Variants in DLG2 observed in about 807,000 individuals in gnomAD.
DLG2 encodes the protein discs large MAGUK scaffold protein 2.
DLG2 carries 45 observed loss-of-function variants against 132.5 expected under a neutral mutation model. The ratio of observed to expected loss-of-function variants is 0.34; its 90% CI spans 0.27 to 0.44. The LOEUF (loss-of-function observed/expected upper bound fraction) is 0.44, where lower values mean the gene tolerates loss of function less well. Among genes scored for constraint, DLG2 ranks in the 20% least tolerant of loss-of-function variants. DLG2 has a pLI of 1.00. For missense variants in DLG2, 1,045 were observed against 1,196.9 expected (o/e 0.87, Z 1.87); for synonymous variants, 424 against 419.6 (o/e 1.01, Z -0.13).
chr11:85,401,868 A>C (rs2088156509), intron 3 of DLG2, among the ~76,000 whole-genome samples: 1 of 152,220 alleles, frequency 6.6e-6, no homozygotes, highest in African/African-American at 2.4e-5. Context: ...AGAACATTCC[A>C]TGCTCATGGA....
At chr11:83,835,014 C>T (rs533182764) in intron 16 of DLG2, among the ~76,000 whole-genome samples, 50 of 152,224 alleles carry the variant, frequency 3.3e-4, no homozygotes, top group African/African-American at 1.0e-3. Context: ...TATCACATTT[C>T]CATGCATAAA....
rs1316945360 is a variant in DLG2 at position 84,554,687 on chromosome 11, G to T, written c.358-19956C>A. 2.0e-5 allele frequency among the ~76,000 whole-genome samples: 3 copies of T among 151,980 alleles called. No individual in the cohort carries two copies. In the East Asian group the frequency reaches 5.8e-4, roughly 29 times the overall value. On this transcript the variant is annotated intron_variant, in intron 6 of 27. Coordinates refer to ENST00000376104, the MANE Select transcript of DLG2 (RefSeq NM_001142699.3). ...CTTGAACACAGGATGGGGAGGTTGC[G>T]GTGAGCTGAGACTGAGTCACTGCAC...
chr11:84,370,936 T>C (rs576155725), intron 7 of DLG2, among the ~76,000 whole-genome samples: 85 of 152,218 alleles, frequency 5.6e-4, no homozygotes, highest in Admixed American at 4.5e-3. Flanking sequence ...GGGTCTATTT[T>C]ATCAAAGGTT....
At chr11:84,374,333 C>T (rs539135152) in intron 7 of DLG2, among the ~76,000 whole-genome samples, 5 of 152,174 alleles carry the variant, frequency 3.3e-5, no homozygotes, top group Non-Finnish European at 7.3e-5. Flanking sequence ...CCATAATGTT[C>T]AACTGTCTCT....
chr11:85,162,444 G>A (rs1427106369), intron 4 of DLG2, among the ~76,000 whole-genome samples: 2 of 152,158 alleles, frequency 1.3e-5, no homozygotes, highest in African/African-American at 4.8e-5. Flanking sequence ...AAGGCAAAGG[G>A]AATACAGAAT....
rs185847606 is a variant in DLG2 at position 84,675,695 on chromosome 11, G to A, written c.358-140964C>T. ...ATTCACTAGATAACTGACATTAGACGGGACGGTATTTTAGCCTTCCTTTTT... is the reference window on the plus strand; with the variant it reads ...ATTCACTAGATAACTGACATTAGACAGGACGGTATTTTAGCCTTCCTTTTT... On this transcript the variant is annotated intron_variant, in intron 6 of 27. Coordinates refer to ENST00000376104, the MANE Select transcript of DLG2 (RefSeq NM_001142699.3). Among the ~76,000 whole-genome samples, 298 of 152,078 alleles carry A rather than the reference G, an allele frequency of 2.0e-3. 1 individual carries two copies. Among genetic ancestry groups the A allele is most frequent in the Non-Finnish European group, 2.2e-3 (148 of 67,962 alleles).
chr11:84,911,325 T>C (rs1184810984), intron 6 of DLG2, among the ~76,000 whole-genome samples: 1 of 151,910 alleles, frequency 6.6e-6, no homozygotes, highest in African/African-American at 2.4e-5. Context: ...ACTGTTTTAC[T>C]TATAAACCTA....
At chr11:83,505,078 G>T (rs1490559522) in intron 21 of DLG2, among the ~76,000 whole-genome samples, 1 of 152,170 alleles carries the variant, frequency 6.6e-6, no homozygotes, top group Non-Finnish European at 1.5e-5. Flanking sequence ...GGCACTTCAT[G>T]AGTCCACAGA....
At chr11:83,514,615 A>C (rs1220973616) in intron 21 of DLG2, among the ~76,000 whole-genome samples, 1 of 152,196 alleles carries the variant, frequency 6.6e-6, no homozygotes, top group Non-Finnish European at 1.5e-5. Context: ...GCCAGTTTTC[A>C]AAGGGAATGC....
intron 18 of DLG2, among the ~76,000 whole-genome samples, chr11:83,650,134 G>A (rs1269817837): frequency 6.6e-6 from 1 of 152,172 alleles, no homozygotes; most frequent in Non-Finnish European, 1.5e-5. Context: ...TGTAATGCCC[G>A]TGTGCAGTAG....
chr11:84,176,079 A>G (rs1017834629), intron 8 of DLG2, among the ~76,000 whole-genome samples: 24 of 151,904 alleles, frequency 1.6e-4, no homozygotes, highest in African/African-American at 5.3e-4. Flanking sequence ...AATCGTATAT[A>G]TAGTGATGTT....
chr11:84,349,476 T>TA (rs11458779), intron 7 of DLG2, among the ~76,000 whole-genome samples: 57,830 of 151,700 alleles, frequency 0.38, 15,606 homozygotes, highest in African/African-American at 0.77. Flanking sequence ...ATTTTATTAG[T>TA]AAAATATCAC....
intron 6 of DLG2, chr11:84,955,787 T>C (rs376463615): frequency 6.6e-6 from 1 of 152,192 alleles, no homozygotes; most frequent in East Asian, 1.9e-4. Flanking sequence ...TACTAGCTCA[T>C]AGAGATAACA....
chr11:84,589,216 ATGTC>A (rs2099537102), intron 6 of DLG2, among the ~76,000 whole-genome samples: 4 of 152,306 alleles, frequency 2.6e-5, no homozygotes, highest in Admixed American at 1.3e-4. Flanking sequence ...ATGAAAATAA[ATGTC>A]TGTGAGTCTG....
chr11:84,576,234 T>C (rs540167301), intron 6 of DLG2, among the ~76,000 whole-genome samples: 1 of 152,218 alleles, frequency 6.6e-6, no homozygotes, highest in African/African-American at 2.4e-5. Context: ...CATGCAGAAA[T>C]AATCTATTTT....
At chr11:85,108,457 G>A (rs1325982429) in intron 6 of DLG2, among the ~76,000 whole-genome samples, 1 of 151,968 alleles carries the variant, frequency 6.6e-6, no homozygotes, top group East Asian at 1.9e-4. Flanking sequence ...TATTTCCTGA[G>A]AGATTATAAA....
In DLG2 at chr11:84,165,134, C is replaced by T. The variant is rs570070067; in HGVS notation, c.574-1623G>A. 9.2e-5 allele frequency among the ~76,000 whole-genome samples: 14 copies of T among 152,274 alleles called. No individual in the cohort carries two copies. The South Asian group carries it at 2.9e-3, about 32-fold the overall frequency. On this transcript the variant is annotated intron_variant, in intron 8 of 27. Transcript: ENST00000376104. Reference sequence around the variant, plus strand: ...AATTAACGAGATACATTTTCATTCCCTCAGTATGGCTCCATGAGGCTTTTC... The same window carrying T: ...AATTAACGAGATACATTTTCATTCCTTCAGTATGGCTCCATGAGGCTTTTC...
At chr11:83,974,006 A>C (rs549609789) in intron 12 of DLG2, among the ~76,000 whole-genome samples, 149 of 152,220 alleles carry the variant, frequency 9.8e-4, no homozygotes, top group African/African-American at 2.8e-3. Context: ...AACAGTAATG[A>C]CTGTCCTAAC....
chr11:83,702,156 CT>C lies in DLG2; in HGVS notation c.1826-68832del, dbSNP rs913811781. Reference sequence around the variant, plus strand: ...CTCAGCAAATTCCCCTTAACTTTCACTTTTTTTTTCCCCTAACATATCTTCT... The same window carrying C: ...CTCAGCAAATTCCCCTTAACTTTCACTTTTTTTTCCCCTAACATATCTTCT... On this transcript the variant is annotated intron_variant, in intron 18 of 27. Transcript: ENST00000376104. 8.6e-5 allele frequency among the ~76,000 whole-genome samples: 13 copies of C among 151,778 alleles called. No individual in the cohort carries two copies. In the South Asian group the frequency reaches 1.7e-3, roughly 20 times the overall value.
Sources: allele counts gnomAD v4.1 joint callset (sites outside exome capture counted in the v4.1 genomes callset), GRCh38; gene constraint gnomAD v4.1.1; transcripts MANE v1.5; gene names NCBI Gene and HGNC (gene_info 2026-07-23, HGNC 2026-07-21).